BBOX1: variants seen among roughly 807,000 people sequenced by gnomAD.
BBOX1 encodes the protein gamma-butyrobetaine dioxygenase.
BBOX1 carries 35 observed loss-of-function variants against 41.6 expected under a neutral mutation model. The observed-to-expected ratio is 0.84, with a 90% CI of 0.64 to 1.11. BBOX1 has a LOEUF of 1.11. BBOX1 is among the 50% of genes most tolerant of loss of function. The probability of loss-of-function intolerance (pLI) is 0.00; values close to 1 mark genes in which losing one functional copy is unlikely to be tolerated. For missense variants in BBOX1, 458 were observed against 460.6 expected, an observed-to-expected ratio of 0.99 and a Z score of 0.05; for synonymous variants, 163 against 154.7, an observed-to-expected ratio of 1.05 and a Z score of -0.40.
chr11:27,062,942 G>C (rs1857174712), intron 4 of BBOX1: 1 of 152,252 alleles, frequency 6.6e-6, no homozygotes, highest in African/African-American at 2.4e-5. Flanking sequence ...CCCCACAAAA[G>C]AGAGTGAAGT....
chr11:27,046,918 A>ATGT lies in BBOX1; in HGVS notation c.-39+5441_-39+5442insGTT, dbSNP rs10684089. Among the ~76,000 whole-genome samples the ATGT allele has an allele frequency of 4.6e-3, 681 of 148,626 alleles. 6 individuals carry two copies. The highest frequency in any genetic ancestry group is 0.019 in the Admixed American group (281 of 14,602). ...TGCTTTTAAACACTGATGATCTGCA[A>ATGT]TTTTTTTTTTAATTTTCATCACATT... On this transcript the variant is annotated intron_variant, in intron 2 of 8. Coordinates refer to ENST00000263182, the MANE Select transcript of BBOX1 (RefSeq NM_003986.3).
chr11:27,104,292 C>G (rs1456847827), intron 5 of BBOX1, among the ~76,000 whole-genome samples: 1 of 152,168 alleles, frequency 6.6e-6, no homozygotes, highest in Non-Finnish European at 1.5e-5. Flanking sequence ...TTAGATCCAT[C>G]ATGTACCCAG....
In BBOX1 at chr11:27,055,374, T is replaced by C. The variant is rs1856945526; in HGVS notation, c.-38-19T>C. 3 of 1,556,972 alleles carry C rather than the reference T, an allele frequency of 1.9e-6. No homozygotes were observed. The African/African-American group carries it at 4.1e-5, about 21-fold the overall frequency. ...GATCTTATCTGCCTGAGATTCCTTT[T>C]AACACTGATTTGTCATAGCAGGTAG... On this transcript the variant is annotated intron_variant, in intron 2 of 8. Coordinates refer to ENST00000263182, the MANE Select transcript of BBOX1 (RefSeq NM_003986.3).
At chr11:27,079,663 G>A (rs1471442963) in intron 4 of BBOX1, among the ~76,000 whole-genome samples, 1 of 152,022 alleles carries the variant, frequency 6.6e-6, no homozygotes, top group Non-Finnish European at 1.5e-5. Flanking sequence ...ATATATGATG[G>A]GCAATGATAG....
chr11:27,096,776 T>C (rs1431499728), intron 5 of BBOX1, among the ~76,000 whole-genome samples: 1 of 152,008 alleles, frequency 6.6e-6, no homozygotes, highest in Non-Finnish European at 1.5e-5. Context: ...AATAAATGTT[T>C]AATGAATAAA....
At chr11:27,081,688 C>A (rs1286502144) in intron 4 of BBOX1, among the ~76,000 whole-genome samples, 2 of 152,180 alleles carry the variant, frequency 1.3e-5, no homozygotes, top group African/African-American at 4.8e-5. Context: ...TAAAAGCATT[C>A]TGATTTCTCC....
chr11:27,126,762 G>A (rs569711913), intron 8 of BBOX1, among the ~76,000 whole-genome samples: 6 of 147,564 alleles, frequency 4.1e-5, no homozygotes, highest in African/African-American at 1.5e-4. Flanking sequence ...TGCAAGCTCC[G>A]CCTCCCGGGT....
intron 2 of BBOX1, among the ~76,000 whole-genome samples, chr11:27,052,474 CT>C (rs1251776363): frequency 2.0e-5 from 3 of 152,052 alleles, no homozygotes; most frequent in Admixed American, 2.0e-4. Context: ...AACTCCTTAT[CT>C]TGCTATGCAT....
chr11:27,099,151 A>G (rs1030626688), intron 5 of BBOX1, among the ~76,000 whole-genome samples: 2 of 151,860 alleles, frequency 1.3e-5, no homozygotes, highest in Non-Finnish European at 2.9e-5. Context: ...CTCATGGGAA[A>G]CTCAGAGTGA....
intron 3 of BBOX1, among the ~76,000 whole-genome samples, chr11:27,056,477 C>G (rs1333676924): frequency 6.6e-5 from 10 of 151,976 alleles, no homozygotes; most frequent in Non-Finnish European, 1.0e-4. Context: ...AGGCTGGTCT[C>G]AAACTCCTGA....
chr11:27,047,582 A>C (rs905830373), intron 2 of BBOX1, among the ~76,000 whole-genome samples: 9 of 152,176 alleles, frequency 5.9e-5, no homozygotes, highest in African/African-American at 2.2e-4. Context: ...CACATGAATG[A>C]ATATATTTTT....
intron 4 of BBOX1, among the ~76,000 whole-genome samples, chr11:27,081,217 G>A (rs751406252): frequency 2.6e-5 from 4 of 152,096 alleles, no homozygotes; most frequent in Non-Finnish European, 5.9e-5. Context: ...CATGAATCCA[G>A]GAGACAAATA....
At chr11:27,092,815 T>C (rs1486748766) in intron 4 of BBOX1, among the ~76,000 whole-genome samples, 1 of 151,984 alleles carries the variant, frequency 6.6e-6, no homozygotes, top group African/African-American at 2.4e-5. Flanking sequence ...AACTTGGCTG[T>C]TAACACATAC....
intron 7 of BBOX1, 87 bp downstream of exon 7, chr11:27,119,932 TC>T (rs1342663249): frequency 5.4e-6 from 4 of 742,792 alleles, no homozygotes; most frequent in Non-Finnish European, 7.7e-6. Flanking sequence ...GCACAAAACT[TC>T]AACGAACTTC....
intron 4 of BBOX1, among the ~76,000 whole-genome samples, chr11:27,087,184 C>G (rs1366656676): frequency 6.6e-6 from 1 of 151,952 alleles, no homozygotes; most frequent in African/African-American, 2.4e-5. Flanking sequence ...GAAGATTTAC[C>G]CAAATTTTGA....
chr11:27,066,737 T>C (rs1857297240), intron 4 of BBOX1: 1 of 152,022 alleles, frequency 6.6e-6, no homozygotes, highest in Non-Finnish European at 1.5e-5. Context: ...TCATACATAC[T>C]ATTGATTTGC....
chr11:27,054,116 A>G (rs1173162025), intron 2 of BBOX1, among the ~76,000 whole-genome samples: 3 of 152,134 alleles, frequency 2.0e-5, no homozygotes, highest in Admixed American at 6.5e-5. Flanking sequence ...CAAGAAGGAC[A>G]GGGAGCAATT....
intron 7 of BBOX1, among the ~76,000 whole-genome samples, chr11:27,121,041 A>G (rs951313377): frequency 6.6e-6 from 1 of 152,192 alleles, no homozygotes; most frequent in Non-Finnish European, 1.5e-5. Flanking sequence ...GCATAGCAAG[A>G]TAAGGGGAAT....
At position 27,109,231 on chromosome 11, in the gene BBOX1, T is replaced by G. The variant is rs529472314; in HGVS notation, c.534-6221T>G. Among the ~76,000 whole-genome samples the G allele has an allele frequency of 7.2e-5, 11 of 152,006 alleles. No individual in the cohort carries two copies. The South Asian group carries it at 2.1e-3, about 29-fold the overall frequency. On this transcript the variant is annotated intron_variant, in intron 5 of 8. Coordinates refer to ENST00000263182, the MANE Select transcript of BBOX1 (RefSeq NM_003986.3). ...CTTATGAGAGTTCTGACTGTAGGAG[T>G]AAATATTGGGTAATCAGGAGAATGA...
Sources: gnomAD v4.1 joint callset for allele counts (sites outside exome capture counted in the v4.1 genomes callset) on GRCh38, gnomAD v4.1.1 for gene constraint, MANE v1.5 for transcripts, NCBI Gene and HGNC (gene_info 2026-07-23, HGNC 2026-07-21) for gene names.